Variants in GALNTL6 observed in about 807,000 individuals in gnomAD.
GALNTL6 encodes polypeptide N-acetylgalactosaminyltransferase-like 6.
A neutral mutation model predicts 73.7 loss-of-function variants in GALNTL6; 46 were observed. The ratio of observed to expected loss-of-function variants is 0.62; its 90% CI spans 0.49 to 0.80. The LOEUF (loss-of-function observed/expected upper bound fraction) is 0.80. Ranked by LOEUF, GALNTL6 falls within the 30% of genes least tolerant of loss-of-function variation. The pLI, the probability that GALNTL6 is intolerant of heterozygous loss-of-function variation, is 0.00. For synonymous variants in GALNTL6, 259 were observed against 263.7 expected (o/e 0.98, Z 0.17); for missense variants, 604 against 755.0 (o/e 0.80, Z 2.34).
chr4:172,349,831 AT>A (rs1561039830), intron 5 of GALNTL6, among the ~76,000 whole-genome samples: 4 of 64,558 alleles, frequency 6.2e-5, no homozygotes, highest in South Asian at 6.4e-4. Context: ...TTAAAAAAAA[AT>A]ATATATATAT....
chr4:172,904,924 A>G (rs1473611381), intron 8 of GALNTL6, among the ~76,000 whole-genome samples: 1 of 152,200 alleles, frequency 6.6e-6, no homozygotes, highest in Non-Finnish European at 1.5e-5. Context: ...ATGCACATAT[A>G]TAATTTAAAG....
chr4:172,673,780 C>T (rs1015452741), intron 5 of GALNTL6, among the ~76,000 whole-genome samples: 9 of 152,066 alleles, frequency 5.9e-5, no homozygotes, highest in Non-Finnish European at 1.0e-4. Context: ...TTGTCAGAAA[C>T]TATTATTGAA....
chr4:173,018,110 A>C (rs1266638686), intron 11 of GALNTL6, among the ~76,000 whole-genome samples: 1 of 152,230 alleles, frequency 6.6e-6, no homozygotes. Context: ...GAAATAAATC[A>C]ATCAAGACCA....
At chr4:171,899,680 A>G (rs1239658799) in intron 2 of GALNTL6, among the ~76,000 whole-genome samples, 1 of 152,182 alleles carries the variant, frequency 6.6e-6, no homozygotes, top group Non-Finnish European at 1.5e-5. Flanking sequence ...ATTGCTAGGA[A>G]TCTAAATTGG....
intron 5 of GALNTL6, among the ~76,000 whole-genome samples, chr4:172,617,247 A>C (rs554166182): frequency 5.9e-5 from 9 of 152,074 alleles, no homozygotes; most frequent in Admixed American, 2.6e-4. Flanking sequence ...ATTTTTAAAA[A>C]TGAGAAGTTC....
chr4:172,061,992 AGG>A (rs1359781608), intron 2 of GALNTL6, among the ~76,000 whole-genome samples: 92 of 123,464 alleles, frequency 7.5e-4, no homozygotes, highest in African/African-American at 2.9e-3. Flanking sequence ...CTTGCTGTGT[AGG>A]CTGGAGTGCA....
At chr4:172,917,574 A>T (rs1300125629) in intron 8 of GALNTL6, among the ~76,000 whole-genome samples, 2 of 152,226 alleles carry the variant, frequency 1.3e-5, no homozygotes, top group Non-Finnish European at 2.9e-5. Context: ...CAACCCCATC[A>T]AAAAGTGGGC....
chr4:172,229,803 G>T, intron 3 of GALNTL6, 39 bp downstream of exon 3: 1 of 1,213,872 alleles, frequency 8.2e-7, no homozygotes. Flanking sequence ...TATTTCACTC[G>T]CAGCAGTGTC....
chr4:172,246,302 C>G (rs2111003902), intron 3 of GALNTL6, among the ~76,000 whole-genome samples: 1 of 152,116 alleles, frequency 6.6e-6, no homozygotes, highest in African/African-American at 2.4e-5. Flanking sequence ...AGACATTTAC[C>G]TAGATAGCAA....
At chr4:172,179,362 A>C (rs1188817002) in intron 2 of GALNTL6, among the ~76,000 whole-genome samples, 7,426 of 144,508 alleles carry the variant, frequency 0.051, 276 homozygotes, top group African/African-American at 0.12. Context: ...CTGGTGTGAG[A>C]TGGTATCTCA....
chr4:172,595,109 C>G (rs1217194957), intron 5 of GALNTL6, among the ~76,000 whole-genome samples: 1 of 152,148 alleles, frequency 6.6e-6, no homozygotes, highest in Non-Finnish European at 1.5e-5. Flanking sequence ...GAGAGTTTCA[C>G]CTCCATGATC....
At chr4:172,133,265 T>C (rs1360141488) in intron 2 of GALNTL6, among the ~76,000 whole-genome samples, 1 of 152,204 alleles carries the variant, frequency 6.6e-6, no homozygotes, top group East Asian at 1.9e-4. Context: ...AATGAGGTCA[T>C]GATCCAGGAA....
chr4:171,954,372 A>G (rs1180085273), intron 2 of GALNTL6, among the ~76,000 whole-genome samples: 1 of 152,206 alleles, frequency 6.6e-6, no homozygotes, highest in African/African-American at 2.4e-5. Flanking sequence ...TACTTATAAG[A>G]AAATGAGGAC....
chr4:172,674,180 A>T (rs13103310), intron 5 of GALNTL6, among the ~76,000 whole-genome samples: 146,251 of 152,200 alleles, frequency 0.96, 70,532 homozygotes, highest in Non-Finnish European at 1. Context: ...TTCCCTCATC[A>T]TTTGCTTGTG....
At chr4:172,790,369 G>A (rs556099926) in intron 5 of GALNTL6, among the ~76,000 whole-genome samples, 124 of 152,230 alleles carry the variant, frequency 8.1e-4, no homozygotes, top group African/African-American at 2.8e-3. Flanking sequence ...CATACAGGTG[G>A]ACCCCTAATC....
At chr4:171,885,669 A>G (rs574194946) in intron 2 of GALNTL6, among the ~76,000 whole-genome samples, 1 of 152,114 alleles carries the variant, frequency 6.6e-6, no homozygotes, top group Admixed American at 6.5e-5. Context: ...AACCTAGCAC[A>G]GTGGCACACA....
intron 2 of GALNTL6, among the ~76,000 whole-genome samples, chr4:172,018,748 G>C (rs1741296664): frequency 1.3e-5 from 2 of 152,090 alleles, no homozygotes; most frequent in South Asian, 4.1e-4. Context: ...ATTCTGCTCA[G>C]GCAGGTTCAT....
rs76468690 is a variant in GALNTL6 at position 172,130,903 on chromosome 4, G to A, written c.139-98753G>A. 7.5e-3 allele frequency among the ~76,000 whole-genome samples: 1,143 copies of A among 152,156 alleles called. 7 individuals carry two copies. Among genetic ancestry groups the A allele is most frequent in the Non-Finnish European group, 0.012 (798 of 67,938 alleles). On this transcript the variant is annotated intron_variant, in intron 2 of 12. Coordinates refer to ENST00000506823, the MANE Select transcript of GALNTL6 (RefSeq NM_001034845.3). Reference sequence around the variant, plus strand: ...CATTGGGCATCCTTGTAGCCTATGTGAGTTTTTGGCCACTATCCCTGTATT... The same window carrying A: ...CATTGGGCATCCTTGTAGCCTATGTAAGTTTTTGGCCACTATCCCTGTATT...
chr4:172,496,515 T>C (rs1462507591), intron 5 of GALNTL6, among the ~76,000 whole-genome samples: 1 of 151,872 alleles, frequency 6.6e-6, no homozygotes, highest in African/African-American at 2.4e-5. Flanking sequence ...CATAGTGAGA[T>C]ATCATAGCTA....
Sources: gnomAD v4.1 joint callset for allele counts (sites outside exome capture counted in the v4.1 genomes callset) on GRCh38, gnomAD v4.1.1 for gene constraint, MANE v1.5 for transcripts, NCBI Gene and HGNC (gene_info 2026-07-23, HGNC 2026-07-21) for gene names.